HDAC8: variants seen among roughly 807,000 people sequenced by gnomAD.
HDAC8 encodes the protein histone deacetylase-like 1.
In HDAC8, 1 loss-of-function variant was observed where a neutral mutation model predicts 32.2. The observed-to-expected ratio is 0.03, with a 90% CI of 0.01 to 0.15. HDAC8 has a LOEUF of 0.15. HDAC8 is among the 10% of genes least tolerant of loss of function. The pLI is 1.00. For synonymous variants in HDAC8, 108 were observed against 113.9 expected, an observed-to-expected ratio of 0.95 and a Z score of 0.33; for missense variants, 117 against 300.0, an observed-to-expected ratio of 0.39 and a Z score of 4.51.
rs2043460944 is a variant in HDAC8, at chrX:72,329,560, C to T, written c.*494G>A. On this transcript the variant is annotated 3_prime_UTR_variant, in exon 11 of 11. Coordinates refer to ENST00000373573, the MANE Select transcript of HDAC8 (RefSeq NM_018486.3). ...TTAAAAAAACCAAAGATATATAACA[C>T]TAAAACAACACCAGCGGACTTCTCC... 3 of 811,828 alleles carry T rather than the reference C, an allele frequency of 3.7e-6. No homozygotes were observed. Among genetic ancestry groups the T allele is most frequent in the Middle Eastern group, 2.9e-4 (1 of 3,496 alleles). 66.9% of individuals were successfully genotyped at this position (811,828 alleles called of 1,213,427 possible). A position where few individuals can be genotyped will look rare whatever the true frequency, so the allele number is the denominator to read the frequency against.
intron 9 of HDAC8, chrX:72,377,310 A>T (rs2045111862): frequency 9.0e-6 from 1 of 111,670 alleles, no homozygotes; most frequent in African/African-American, 3.3e-5. Context: ...ACTTTGTATG[A>T]TTTCAATCCT....
chrX:72,474,962 C>A (rs1346396972), intron 7 of HDAC8, among the ~76,000 whole-genome samples: 1 of 111,235 alleles, frequency 9.0e-6, no homozygotes, highest in Non-Finnish European at 1.9e-5. Flanking sequence ...CTAAAAGATT[C>A]ATCTCAGGGC....
chrX:72,387,834 A>G (rs141247472), intron 9 of HDAC8, among the ~76,000 whole-genome samples: 1 of 111,349 alleles, frequency 9.0e-6, no homozygotes, highest in Non-Finnish European at 1.9e-5. Context: ...TGAATTTAGT[A>G]TAGTTGAGGA....
Position 72,495,163 on chromosome X carries a change from A to G in HDAC8, c.543T>C (p.His181=), listed in dbSNP as rs1556012158. Residue 181 remains histidine (H), a synonymous_variant, in exon 5 of 11, where the codon CAT becomes CAC. Transcript: ENST00000373573. ...TAAAACCAAAGGGCTTACCATCTCC[A>G]TGGTGCAGATCCAAATCCACGTAGA... The part of the protein sequence containing the change: ...RILYVDLDLH[H]GDGVEDAFSF... The G allele has an allele frequency of 7.6e-6, 9 of 1,192,014 alleles. No individual in the cohort carries two copies. Among genetic ancestry groups the G allele is most frequent in the Non-Finnish European group, 1.0e-5 (9 of 879,018 alleles).
chrX:72,484,564 T>A (rs1436026834), intron 7 of HDAC8, among the ~76,000 whole-genome samples: 4 of 112,344 alleles, frequency 3.6e-5, no homozygotes, highest in African/African-American at 1.3e-4. Context: ...GCGATATCTA[T>A]TGATAATCAG....
chrX:72,445,274 T>A (rs2047347101), intron 9 of HDAC8, among the ~76,000 whole-genome samples: 1 of 110,249 alleles, frequency 9.1e-6, no homozygotes, highest in African/African-American at 3.3e-5. Context: ...GCTACCTGAC[T>A]TCAAACTATA....
At chrX:72,467,826 A>T in intron 7 of HDAC8, 1 of 636,065 alleles carries the variant, frequency 1.6e-6, no homozygotes, top group Non-Finnish European at 2.3e-6. Flanking sequence ...GGAGAAATTT[A>T]TATGGTAGAA....
At chrX:72,438,186 G>A (rs2047009395) in intron 9 of HDAC8, among the ~76,000 whole-genome samples, 1 of 112,158 alleles carries the variant, frequency 8.9e-6, no homozygotes, top group Non-Finnish European at 1.9e-5. Flanking sequence ...CTCCGCTGGT[G>A]ATACCCAGGC....
chrX:72,523,150 C>T (rs1487497885), intron 4 of HDAC8, among the ~76,000 whole-genome samples: 2 of 111,900 alleles, frequency 1.8e-5, no homozygotes, highest in South Asian at 3.8e-4. Context: ...CTCACAGAAT[C>T]GGCTTATTTT....
intron 4 of HDAC8, among the ~76,000 whole-genome samples, chrX:72,539,972 G>A (rs1217066725): frequency 8.9e-6 from 1 of 112,307 alleles, no homozygotes; most frequent in Non-Finnish European, 1.9e-5. Flanking sequence ...AACAAGCCCA[G>A]AGGAACCGCA....
chrX:72,478,331 A>G (rs991402783), intron 7 of HDAC8, among the ~76,000 whole-genome samples: 1 of 112,390 alleles, frequency 8.9e-6, no homozygotes, highest in African/African-American at 3.2e-5. Flanking sequence ...GCATTTAAAA[A>G]TATCCCATGA....
chrX:72,546,554 A>G (rs1296028545), intron 4 of HDAC8, among the ~76,000 whole-genome samples: 4 of 111,230 alleles, frequency 3.6e-5, no homozygotes, highest in African/African-American at 1.3e-4. Context: ...TGATCTAGAC[A>G]CATTCTGGAG....
intron 9 of HDAC8, among the ~76,000 whole-genome samples, chrX:72,431,062 A>G (rs1245086168): frequency 3.6e-5 from 4 of 110,675 alleles, no homozygotes; most frequent in Admixed American, 9.6e-5. Flanking sequence ...TAGACACCCA[A>G]TCCCCTGATC....
intron 4 of HDAC8, among the ~76,000 whole-genome samples, chrX:72,550,423 T>C (rs1384966745): frequency 9.0e-6 from 1 of 110,583 alleles, no homozygotes; most frequent in Non-Finnish European, 1.9e-5. Flanking sequence ...TAGTAAGTGG[T>C]GGAGCCTGAA....
At chrX:72,515,593 G>T (rs1266766768) in intron 4 of HDAC8, among the ~76,000 whole-genome samples, 3 of 83,652 alleles carry the variant, frequency 3.6e-5, no homozygotes, top group Non-Finnish European at 4.7e-5. Flanking sequence ...TGTGTGGGGG[G>T]GGGGTGGGGG....
chrX:72,350,857 G>A (rs1232143919), intron 10 of HDAC8, among the ~76,000 whole-genome samples: 3 of 111,737 alleles, frequency 2.7e-5, no homozygotes, highest in Non-Finnish European at 5.6e-5. Flanking sequence ...ATGATTCCAG[G>A]CCAGCCTTGG....
intron 4 of HDAC8, among the ~76,000 whole-genome samples, chrX:72,516,891 C>G (rs1354664584): frequency 3.6e-5 from 4 of 112,423 alleles, no homozygotes; most frequent in African/African-American, 9.7e-5. Flanking sequence ...TCTTGTGCCA[C>G]TGTCCAAATT....
At chrX:72,525,514 T>TA (rs1556031490) in intron 4 of HDAC8, among the ~76,000 whole-genome samples, 1 of 110,272 alleles carries the variant, frequency 9.1e-6, no homozygotes, top group African/African-American at 3.3e-5. Context: ...AAATATCTAA[T>TA]GAGTATTTAC....
chrX:72,450,506 G>A (rs1481701384), intron 9 of HDAC8, among the ~76,000 whole-genome samples: 1 of 111,734 alleles, frequency 8.9e-6, no homozygotes, highest in Non-Finnish European at 1.9e-5. Flanking sequence ...TTACCACTGG[G>A]GGGAACTGAG....
Sources: gnomAD v4.1 joint callset for allele counts (sites outside exome capture counted in the v4.1 genomes callset) on GRCh38, gnomAD v4.1.1 for gene constraint, MANE v1.5 for transcripts, NCBI Gene and HGNC (gene_info 2026-07-23, HGNC 2026-07-21) for gene names.